The following SCFD2 variants were observed in gnomAD, a reference collection of about 807,000 sequenced individuals.
SCFD2 encodes the protein sec1 family domain containing 2.
In SCFD2, 54 loss-of-function variants were observed where a neutral mutation model predicts 58.9. The observed-to-expected ratio is 0.92, with a 90% CI of 0.74 to 1.15. SCFD2 has a LOEUF of 1.15. Among genes scored for constraint, SCFD2 ranks in the 50% most tolerant of loss-of-function variants. SCFD2 has a pLI of 0.00. For missense variants in SCFD2, 805 were observed against 836.6 expected (o/e 0.96, Z 0.47); for synonymous variants, 321 against 335.9 (o/e 0.96, Z 0.49).
Position 53,098,753 on chromosome 4 carries a change from C to T in SCFD2, c.1561+46580G>A, listed in dbSNP as rs150431419. Among the ~76,000 whole-genome samples the T allele has an allele frequency of 4.3e-3, 651 of 151,700 alleles. 4 individuals carry two copies. The highest frequency in any genetic ancestry group is 0.015 in the African/African-American group (620 of 41,068). ...ATGCATGTGTGTGTGCACACACATA[C>T]ACACACACTCTCTCTGACTCCCTTA... On this transcript the variant is annotated intron_variant, in intron 5 of 8. Transcript: ENST00000401642.
At chr4:52,941,427 T>C (rs1281635570) in intron 5 of SCFD2, among the ~76,000 whole-genome samples, 1 of 152,226 alleles carries the variant, frequency 6.6e-6, no homozygotes, top group Non-Finnish European at 1.5e-5. Flanking sequence ...TCTTTCTATA[T>C]AACAGAGGCT....
intron 5 of SCFD2, among the ~76,000 whole-genome samples, chr4:52,996,843 A>G (rs996625502): frequency 6.6e-6 from 1 of 152,230 alleles, no homozygotes; most frequent in Non-Finnish European, 1.5e-5. Context: ...CAAAGGATCA[A>G]CCCAAGAGAA....
At chr4:53,057,596 G>C (rs1167252858) in intron 5 of SCFD2, among the ~76,000 whole-genome samples, 1 of 152,018 alleles carries the variant, frequency 6.6e-6, no homozygotes, top group Non-Finnish European at 1.5e-5. Context: ...GGGTCAATAG[G>C]TGCAGCAAAC....
chr4:53,256,183 G>T (rs1171994519), intron 4 of SCFD2, among the ~76,000 whole-genome samples: 4 of 150,680 alleles, frequency 2.7e-5, no homozygotes, highest in Non-Finnish European at 4.4e-5. Flanking sequence ...CGGCTGCCGG[G>T]CGGAGGGACT....
chr4:53,027,932 T>C (rs1002813091), intron 5 of SCFD2, among the ~76,000 whole-genome samples: 4 of 151,746 alleles, frequency 2.6e-5, no homozygotes, highest in South Asian at 4.2e-4. Context: ...TAGACTATGG[T>C]AGCAATATTA....
At chr4:53,341,956 A>G (rs1181123280) in intron 2 of SCFD2, among the ~76,000 whole-genome samples, 1 of 152,236 alleles carries the variant, frequency 6.6e-6, no homozygotes, top group Non-Finnish European at 1.5e-5. Context: ...TCCTGAAAGA[A>G]GCACTAAACA....
intron 5 of SCFD2, among the ~76,000 whole-genome samples, chr4:53,009,809 G>C (rs1332828172): frequency 6.6e-6 from 1 of 152,090 alleles, no homozygotes; most frequent in Non-Finnish European, 1.5e-5. Context: ...TGTCCAATTT[G>C]AAGCTATCTT....
chr4:53,001,523 C>T (rs1206284724), intron 5 of SCFD2, among the ~76,000 whole-genome samples: 1 of 152,190 alleles, frequency 6.6e-6, no homozygotes, highest in African/African-American at 2.4e-5. Flanking sequence ...AACTATGTTG[C>T]ATGGCGACAA....
chr4:53,131,958 T>C (rs1160933858), intron 5 of SCFD2, among the ~76,000 whole-genome samples: 5 of 152,244 alleles, frequency 3.3e-5, no homozygotes, highest in Non-Finnish European at 7.3e-5. Flanking sequence ...AGCATTGTCA[T>C]AAAAATTGGT....
chr4:53,217,871 G>A (rs1405634877), intron 4 of SCFD2, among the ~76,000 whole-genome samples: 1 of 152,162 alleles, frequency 6.6e-6, no homozygotes, highest in Non-Finnish European at 1.5e-5. Flanking sequence ...TTGCTTGTCT[G>A]TAAAGGATTT....
chr4:53,147,147 T>C (rs1433678522), intron 4 of SCFD2, among the ~76,000 whole-genome samples: 1 of 152,218 alleles, frequency 6.6e-6, no homozygotes, highest in Non-Finnish European at 1.5e-5. Flanking sequence ...AGCAAGATAC[T>C]GTCTCTAAAA....
intron 4 of SCFD2, among the ~76,000 whole-genome samples, chr4:53,215,290 G>T (rs1306605363): frequency 6.6e-6 from 1 of 152,076 alleles, no homozygotes; most frequent in Non-Finnish European, 1.5e-5. Flanking sequence ...CATGAGCATG[G>T]GATGTTCTTC....
At chr4:53,008,895 C>A (rs1314780913) in intron 5 of SCFD2, among the ~76,000 whole-genome samples, 1 of 152,154 alleles carries the variant, frequency 6.6e-6, no homozygotes, top group Non-Finnish European at 1.5e-5. Flanking sequence ...TCAGCCAAAA[C>A]TTAAATGAGT....
intron 2 of SCFD2, among the ~76,000 whole-genome samples, chr4:53,346,346 C>T (rs1347935452): frequency 7.3e-5 from 11 of 149,890 alleles, no homozygotes; most frequent in Admixed American, 1.3e-4. Context: ...GCGATCTCTG[C>T]TCACTGCAAC....
At chr4:53,337,778 T>A (rs964422656) in intron 2 of SCFD2, among the ~76,000 whole-genome samples, 8 of 152,204 alleles carry the variant, frequency 5.3e-5, no homozygotes, top group African/African-American at 1.9e-4. Flanking sequence ...AAAACCTTTA[T>A]GCCTAGTGAA....
intron 5 of SCFD2, among the ~76,000 whole-genome samples, chr4:53,081,543 T>C (rs1724147131): frequency 6.6e-6 from 1 of 152,178 alleles, no homozygotes; most frequent in Non-Finnish European, 1.5e-5. Flanking sequence ...CTTAAGTACT[T>C]TTACCTTTTA....
chr4:53,098,016 G>A lies in SCFD2; in HGVS notation c.1561+47317C>T, dbSNP rs185092474. Among the ~76,000 whole-genome samples, 135 of 152,170 alleles carry A rather than the reference G, an allele frequency of 8.9e-4. 1 individual carries two copies. Among genetic ancestry groups the A allele is most frequent in the African/African-American group, 3.2e-3 (133 of 41,530 alleles). On this transcript the variant is annotated intron_variant, in intron 5 of 8. Coordinates refer to ENST00000401642, the MANE Select transcript of SCFD2 (RefSeq NM_152540.4). ...TGGTTCTGTTTACATGCTGGTTTAC[G>A]TTTACTGATTTGCCTATGTTGAACC...
At chr4:53,095,828 G>A (rs539945305) in intron 5 of SCFD2, among the ~76,000 whole-genome samples, 94 of 129,592 alleles carry the variant, frequency 7.3e-4, no homozygotes, top group Non-Finnish European at 4.1e-4. Context: ...CCATTAACTC[G>A]TCATTTACAT....
chr4:53,113,645 G>T (rs1725234223), intron 5 of SCFD2, among the ~76,000 whole-genome samples: 1 of 151,982 alleles, frequency 6.6e-6, no homozygotes, highest in Non-Finnish European at 1.5e-5. Context: ...TGAGTCATTT[G>T]TTTCATGACC....
Sources: gnomAD v4.1 joint callset for allele counts (sites outside exome capture counted in the v4.1 genomes callset) on GRCh38, gnomAD v4.1.1 for gene constraint, MANE v1.5 for transcripts, NCBI Gene and HGNC (gene_info 2026-07-23, HGNC 2026-07-21) for gene names.